The following COG6 variants were observed in gnomAD, a reference collection of about 807,000 sequenced individuals.
COG6 encodes the protein component of oligomeric golgi complex 6, also known as conserved oligomeric Golgi complex subunit 6.
A neutral mutation model predicts 88.8 loss-of-function variants in COG6; 74 were observed. The ratio of observed to expected loss-of-function variants is 0.83; its 90% CI spans 0.69 to 1.01. The LOEUF is 1.01. Among genes scored for constraint, COG6 ranks in the 50% least tolerant of loss-of-function variants. The probability of loss-of-function intolerance (pLI) is 0.00; values close to 1 mark genes in which losing one functional copy is unlikely to be tolerated. For synonymous variants in COG6, 286 were observed against 278.7 expected, an observed-to-expected ratio of 1.03 and a Z score of -0.26; for missense variants, 800 against 797.9, an observed-to-expected ratio of 1.00 and a Z score of -0.03.
Position 39,687,921 on chromosome 13 carries a change from TGATTACTCTTTCTCTTCTCTA to T in COG6, c.1009+127_1009+147del. 4 of 725,856 alleles carry T rather than the reference TGATTACTCTTTCTCTTCTCTA, an allele frequency of 5.5e-6. No homozygotes were observed. The East Asian group carries it at 8.1e-5, about 15-fold the overall frequency. The allele number at this position is 725,856 out of a possible 1,614,324, so 45.0% of individuals were successfully genotyped here. A position where few individuals can be genotyped will look rare whatever the true frequency, so the allele number is the denominator to read the frequency against. The stretch of plus-strand genomic sequence containing the variant: ...CACCTTGATGGTACAATAAGCATCC[TGATTACTCTTTCTCTTCTCTA>T]GATTCTCCCTCATTCTGCTAATAGA... On this transcript the variant is annotated intron_variant, in intron 10 of 18. Coordinates refer to ENST00000455146, the MANE Select transcript of COG6 (RefSeq NM_020751.3).
chr13:39,753,197 T>G (rs1263147382), downstream of COG6, among the ~76,000 whole-genome samples: 1 of 152,146 alleles, frequency 6.6e-6, no homozygotes, highest in Non-Finnish European at 1.5e-5. Context: ...ATTGTCAGGA[T>G]GAAGTCCTCA....
Position 39,752,410 on chromosome 13 carries a change from A to G in COG6, c.*1317A>G. ...AAGAATGATTATATAATCGTTATCC[A>G]TTTGGGTATAAATCTGTATTTTTAG... On this transcript the variant is annotated 3_prime_UTR_variant, in exon 19 of 19. Coordinates refer to ENST00000455146, the MANE Select transcript of COG6 (RefSeq NM_020751.3). 9.8e-7 allele frequency: 1 copy of G among 1,022,446 alleles called. No individual in the cohort carries two copies. Among genetic ancestry groups the G allele is most frequent in the South Asian group, 1.5e-5 (1 of 68,548 alleles). 63.3% of individuals were successfully genotyped at this position (1,022,446 alleles called of 1,614,324 possible).
chr13:39,679,388 A>G (rs577894406), intron 5 of COG6, 150 bp from the exon 6 acceptor site: 11 of 657,138 alleles, frequency 1.7e-5, no homozygotes, highest in African/African-American at 3.6e-5. Flanking sequence ...TACACCGTCT[A>G]TGAAAACTTA....
intron 18 of COG6, among the ~76,000 whole-genome samples, chr13:39,761,791 C>T (rs779963257): frequency 4.0e-5 from 6 of 151,184 alleles, no homozygotes; most frequent in African/African-American, 9.7e-5. Flanking sequence ...TGCTGAACAC[C>T]GCTAATCATC....
At chr13:39,684,140 G>T (rs910588183) in intron 8 of COG6, among the ~76,000 whole-genome samples, 2 of 151,592 alleles carry the variant, frequency 1.3e-5, no homozygotes, top group Middle Eastern at 3.4e-3. Context: ...GGCAATCTGG[G>T]AAAAAGCTTG....
chr13:39,664,920 G>A (rs1326386751), intron 3 of COG6, among the ~76,000 whole-genome samples, 176 bp from the exon 4 acceptor site: 1 of 152,150 alleles, frequency 6.6e-6, no homozygotes, highest in Non-Finnish European at 1.5e-5. Flanking sequence ...AGAACTGAGT[G>A]TGTTCCTCCA....
intron 18 of COG6, among the ~76,000 whole-genome samples, chr13:39,762,984 TATTA>T (rs1046406490): frequency 4.0e-5 from 6 of 151,772 alleles, no homozygotes; most frequent in Admixed American, 2.6e-4. Context: ...CACATGCTGT[TATTA>T]ATTATGAATG....
chr13:39,687,384 T>C, intron 8 of COG6, 119 bp from the exon 9 acceptor site: 1 of 863,110 alleles, frequency 1.2e-6, no homozygotes, highest in Non-Finnish European at 2.0e-6. Context: ...CTTGACCGAA[T>C]ATCTAAAGGA....
exon 19 of COG6, chr13:39,791,467 C>T (rs1881935557): frequency 6.6e-6 from 1 of 151,648 alleles, no homozygotes; most frequent in South Asian, 2.1e-4. Context: ...AATAAATGAC[C>T]ATGGTCTATG....
chr13:39,679,687 G>T, intron 6 of COG6, 67 bp downstream of exon 6: 1 of 940,222 alleles, frequency 1.1e-6, no homozygotes, highest in Non-Finnish European at 1.8e-6. Context: ...AGATATTCTA[G>T]ATTGTTTGTG....
At chr13:39,683,925 TTTA>T (rs1876472269) in intron 8 of COG6, among the ~76,000 whole-genome samples, 1 of 152,196 alleles carries the variant, frequency 6.6e-6, no homozygotes, top group Non-Finnish European at 1.5e-5. Flanking sequence ...TCCGTGTACC[TTTA>T]TAAGCTTGTT....
chr13:39,750,155 C>G (rs560948561), intron 18 of COG6, among the ~76,000 whole-genome samples: 1 of 152,122 alleles, frequency 6.6e-6, no homozygotes, highest in Admixed American at 6.5e-5. Flanking sequence ...AAATTAGTAC[C>G]AGTGTTCTCA....
intron 4 of COG6, among the ~76,000 whole-genome samples, chr13:39,669,912 A>G (rs531452767): frequency 6.6e-6 from 1 of 152,322 alleles, no homozygotes; most frequent in South Asian, 2.1e-4. Context: ...GGCAGAAATT[A>G]TGATAACAGG....
At chr13:39,696,364 AAGC>A (rs1877274673) in intron 12 of COG6, among the ~76,000 whole-genome samples, 1 of 151,984 alleles carries the variant, frequency 6.6e-6, no homozygotes, top group Non-Finnish European at 1.5e-5. Flanking sequence ...ACTGAAGAAA[AAGC>A]AGGAAAAAGG....
intron 11 of COG6, among the ~76,000 whole-genome samples, chr13:39,691,380 A>G (rs775987260): frequency 1.3e-5 from 2 of 151,918 alleles, no homozygotes; most frequent in Non-Finnish European, 2.9e-5. Context: ...CTTTATGGCA[A>G]TTGTAGGACA....
intron 18 of COG6, among the ~76,000 whole-genome samples, chr13:39,779,894 ATAT>A (rs1566047493): frequency 6.6e-6 from 1 of 152,196 alleles, no homozygotes; most frequent in East Asian, 1.9e-4. Flanking sequence ...GTCCATAGAG[ATAT>A]TATCCTAGAT....
At chr13:39,735,927 T>G (rs1341191877) in intron 18 of COG6, among the ~76,000 whole-genome samples, 1 of 152,096 alleles carries the variant, frequency 6.6e-6, no homozygotes, top group Non-Finnish European at 1.5e-5. Flanking sequence ...TCTTGCTGCT[T>G]TTACGTTCTT....
At chr13:39,769,544 G>A (rs1331401234) in intron 18 of COG6, among the ~76,000 whole-genome samples, 1 of 152,178 alleles carries the variant, frequency 6.6e-6, no homozygotes, top group Non-Finnish European at 1.5e-5. Context: ...TCTGTGCAAA[G>A]CCAGGTAATC....
chr13:39,785,860 T>G (rs1881757965), intron 18 of COG6, among the ~76,000 whole-genome samples: 1 of 152,182 alleles, frequency 6.6e-6, no homozygotes, highest in Non-Finnish European at 1.5e-5. Context: ...GAGTAGGGGT[T>G]AAGAGTACTT....
Sources: gnomAD v4.1 joint callset for allele counts (sites outside exome capture counted in the v4.1 genomes callset) on GRCh38, gnomAD v4.1.1 for gene constraint, MANE v1.5 for transcripts, NCBI Gene and HGNC (gene_info 2026-07-23, HGNC 2026-07-21) for gene names.